The following ROR1 variants were observed in gnomAD, a reference collection of about 807,000 sequenced individuals.
ROR1 encodes ROR family WNT receptor 1, also known as inactive tyrosine-protein kinase transmembrane receptor ROR1.
In ROR1, 19 loss-of-function variants were observed where a neutral mutation model predicts 78.8. The observed-to-expected ratio is 0.24, with a 90% confidence interval of 0.17 to 0.35. ROR1 has a LOEUF of 0.35. ROR1 is among the 10% of genes least tolerant of loss of function. The pLI, the probability that ROR1 is intolerant of heterozygous loss-of-function variation, is 1.00. For synonymous variants in ROR1, 386 were observed against 433.6 expected (o/e 0.89, Z 1.36); for missense variants, 917 against 1,177.8 (o/e 0.78, Z 3.24).
At chr1:63,786,375 C>T (rs1644687398) in intron 1 of ROR1, among the ~76,000 whole-genome samples, 2 of 148,876 alleles carry the variant, frequency 1.3e-5, no homozygotes, top group Admixed American at 1.4e-4. Flanking sequence ...CGGGTTCACG[C>T]CATTCTCCTG....
chr1:63,796,562 T>C (rs1463780492), intron 1 of ROR1, among the ~76,000 whole-genome samples: 1 of 152,244 alleles, frequency 6.6e-6, no homozygotes, highest in African/African-American at 2.4e-5. Context: ...GAAGAATTTA[T>C]CCAAGACTGC....
intron 2 of ROR1, among the ~76,000 whole-genome samples, chr1:64,039,241 A>C (rs896431861): frequency 6.6e-6 from 1 of 152,224 alleles, no homozygotes; most frequent in Non-Finnish European, 1.5e-5. Flanking sequence ...TGAAGTTTAC[A>C]TTCTGGGAAA....
intron 4 of ROR1, among the ~76,000 whole-genome samples, chr1:64,063,749 C>A (rs1646935070): frequency 6.6e-6 from 1 of 152,064 alleles, no homozygotes; most frequent in African/African-American, 2.4e-5. Context: ...TCCATCTCCA[C>A]CTTAGACTCA....
intron 4 of ROR1, chr1:64,110,678 T>C (rs1648055851): frequency 6.6e-6 from 1 of 152,126 alleles, no homozygotes; most frequent in African/African-American, 2.4e-5. Context: ...AGTTAAGCTT[T>C]GGTCTTCCTC....
Position 63,786,193 on chromosome 1 carries a change from C to CCAGAAAG in ROR1, c.91+11686_91+11692dup, listed in dbSNP as rs558154491. On this transcript the variant is annotated intron_variant, in intron 1 of 8. Coordinates refer to ENST00000371079, the MANE Select transcript of ROR1 (RefSeq NM_005012.4). ...ACTTAACACTGATTAGTCTTCCTCCCCAGAAAGAAAGCACCTGGCACAGGG... is the reference window on the plus strand; with the variant it reads ...ACTTAACACTGATTAGTCTTCCTCCCCAGAAAGCAGAAAGAAAGCACCTGGCACAGGG... 2.2e-4 allele frequency among the ~76,000 whole-genome samples: 33 copies of CCAGAAAG among 151,088 alleles called. No homozygotes were observed. In the East Asian group the frequency reaches 6.2e-3, roughly 28 times the overall value.
intron 4 of ROR1, among the ~76,000 whole-genome samples, chr1:64,128,930 CAG>C (rs1431472284): frequency 6.6e-6 from 1 of 152,114 alleles, no homozygotes; most frequent in African/African-American, 2.4e-5. Context: ...AAGATTGAAA[CAG>C]AGGAGGAACA....
At chr1:64,103,322 TA>T (rs891069355) in intron 4 of ROR1, among the ~76,000 whole-genome samples, 3 of 143,482 alleles carry the variant, frequency 2.1e-5, no homozygotes, top group Admixed American at 6.9e-5. Context: ...TAATAAAATT[TA>T]AAAAAAAGTT....
chr1:64,002,001 G>A (rs554544380), intron 1 of ROR1, among the ~76,000 whole-genome samples: 70 of 152,194 alleles, frequency 4.6e-4, no homozygotes, highest in African/African-American at 1.7e-3. Flanking sequence ...GTGGCTAGGG[G>A]ACAGGGAGGC....
intron 4 of ROR1, among the ~76,000 whole-genome samples, chr1:64,087,394 C>T (rs1647163597): frequency 6.6e-6 from 1 of 152,168 alleles, no homozygotes; most frequent in Non-Finnish European, 1.5e-5. Flanking sequence ...TGTGTTCTGC[C>T]AATGCGGTTG....
At chr1:64,000,706 C>G (rs1646375989) in intron 1 of ROR1, among the ~76,000 whole-genome samples, 1 of 152,152 alleles carries the variant, frequency 6.6e-6, no homozygotes, top group African/African-American at 2.4e-5. Flanking sequence ...TGCACTTCCT[C>G]CAATGTGCCA....
intron 7 of ROR1, among the ~76,000 whole-genome samples, chr1:64,144,029 G>A (rs904710217): frequency 6.6e-6 from 1 of 152,168 alleles, no homozygotes; most frequent in Non-Finnish European, 1.5e-5. Flanking sequence ...GAGATAAAGT[G>A]GCCTTGACAG....
chr1:63,995,767 T>G (rs1025495833), intron 1 of ROR1, among the ~76,000 whole-genome samples: 4 of 152,206 alleles, frequency 2.6e-5, no homozygotes, highest in Non-Finnish European at 5.9e-5. Context: ...TGAGCATTTA[T>G]TTAGCTGAAG....
intron 1 of ROR1, among the ~76,000 whole-genome samples, chr1:63,912,677 G>A (rs974014905): frequency 1.3e-4 from 20 of 152,166 alleles, no homozygotes; most frequent in Admixed American, 1.2e-3. Flanking sequence ...GACACTGTTG[G>A]GCTAAGAGGC....
chr1:63,830,423 A>C (rs1644980529), intron 1 of ROR1, among the ~76,000 whole-genome samples: 1 of 152,202 alleles, frequency 6.6e-6, no homozygotes, highest in South Asian at 2.1e-4. Flanking sequence ...GAAACTTAAA[A>C]TCATGGCAGA....
At chr1:63,863,464 G>T (rs2100348279) in intron 1 of ROR1, among the ~76,000 whole-genome samples, 1 of 152,250 alleles carries the variant, frequency 6.6e-6, no homozygotes, top group Non-Finnish European at 1.5e-5. Flanking sequence ...TTTCCCAGCT[G>T]CACATTGAGG....
chr1:63,869,824 A>G (rs761836466), intron 1 of ROR1, among the ~76,000 whole-genome samples: 1 of 152,220 alleles, frequency 6.6e-6, no homozygotes, highest in Non-Finnish European at 1.5e-5. Flanking sequence ...ATCAAAAGGA[A>G]TCTTGCAACT....
intron 2 of ROR1, among the ~76,000 whole-genome samples, chr1:64,026,914 A>G (rs1224916811): frequency 2.0e-5 from 3 of 152,174 alleles, no homozygotes; most frequent in African/African-American, 4.8e-5. Flanking sequence ...AACCATATCA[A>G]TATCTCTAGA....
intron 8 of ROR1, among the ~76,000 whole-genome samples, chr1:64,175,934 G>A (rs1650366348): frequency 6.6e-6 from 1 of 152,076 alleles, no homozygotes; most frequent in Admixed American, 6.5e-5. Flanking sequence ...GAATTTTCAG[G>A]GTAGTATTCT....
At chr1:64,120,849 A>G (rs190663858) in intron 4 of ROR1, among the ~76,000 whole-genome samples, 51 of 152,256 alleles carry the variant, frequency 3.3e-4, no homozygotes, top group African/African-American at 1.2e-3. Context: ...TGGATGGAGA[A>G]TGGCTTAATC....
Sources: allele counts gnomAD v4.1 joint callset (sites outside exome capture counted in the v4.1 genomes callset), GRCh38; gene constraint gnomAD v4.1.1; transcripts MANE v1.5; gene names NCBI Gene and HGNC (gene_info 2026-07-23, HGNC 2026-07-21).